The following PRICKLE2 variants were observed in gnomAD, a reference collection of about 807,000 sequenced individuals.
PRICKLE2 encodes the protein prickle planar cell polarity protein 2, also known as prickle-like protein 2.
Under a neutral mutation model 81.4 loss-of-function variants are expected in PRICKLE2, and 21 were observed. The observed-to-expected ratio is 0.26, with a 90% CI of 0.18 to 0.37. The LOEUF (loss-of-function observed/expected upper bound fraction) is 0.37, where lower values mean the gene tolerates loss of function less well. PRICKLE2 is among the 10% of genes least tolerant of loss of function. The probability of loss-of-function intolerance (pLI) is 1.00; values close to 1 mark genes in which losing one functional copy is unlikely to be tolerated. For missense variants in PRICKLE2, 940 were observed against 1,109.0 expected (o/e 0.85, Z 2.16); for synonymous variants, 456 against 421.5 (o/e 1.08, Z -1.00).
intron 2 of PRICKLE2, among the ~76,000 whole-genome samples, chr3:64,241,458 T>G (rs565193872): frequency 6.6e-6 from 1 of 152,238 alleles, no homozygotes; most frequent in Admixed American, 6.5e-5. Context: ...TACACATACA[T>G]GTATATATGT....
At chr3:64,136,778 G>T (rs2077286562) in intron 7 of PRICKLE2, among the ~76,000 whole-genome samples, 1 of 152,066 alleles carries the variant, frequency 6.6e-6, no homozygotes, top group African/African-American at 2.4e-5. Context: ...GAAGGTCAAG[G>T]TCAAGTCAAT....
chr3:64,186,214 T>C (rs1394907452), intron 2 of PRICKLE2, among the ~76,000 whole-genome samples: 1 of 152,216 alleles, frequency 6.6e-6, no homozygotes, highest in African/African-American at 2.4e-5. Context: ...TTTTTGACTA[T>C]GGAAAAGAAA....
intron 6 of PRICKLE2, among the ~76,000 whole-genome samples, chr3:64,151,638 A>G (rs2107023865): frequency 6.6e-6 from 1 of 152,244 alleles, no homozygotes; most frequent in Non-Finnish European, 1.5e-5. Flanking sequence ...TCATCTGAGC[A>G]AGTGTGCACT....
chr3:64,174,441 ACC>A (rs1396458874), intron 2 of PRICKLE2: 1 of 69,562 alleles, frequency 1.4e-5, no homozygotes, highest in Non-Finnish European at 4.2e-5. Context: ...GCTTCGGTTG[ACC>A]GACATGTGCA....
chr3:64,179,445 A>G (rs569140218), intron 2 of PRICKLE2, among the ~76,000 whole-genome samples: 96 of 152,256 alleles, frequency 6.3e-4, no homozygotes, highest in African/African-American at 2.3e-3. Flanking sequence ...ATGGCACTTC[A>G]CTATGCTTGG....
At chr3:64,117,266 AAGC>A (rs1490379384) in intron 7 of PRICKLE2, among the ~76,000 whole-genome samples, 1 of 152,220 alleles carries the variant, frequency 6.6e-6, no homozygotes, top group Non-Finnish European at 1.5e-5. Context: ...CAAAAGCTGG[AAGC>A]ATTCCCTTGA....
chr3:64,264,392 T>C (rs1331958984), intron 2 of PRICKLE2, among the ~76,000 whole-genome samples: 1 of 152,178 alleles, frequency 6.6e-6, no homozygotes, highest in Non-Finnish European at 1.5e-5. Flanking sequence ...CAGGTCATAC[T>C]ACAGACCTAT....
intron 2 of PRICKLE2, among the ~76,000 whole-genome samples, chr3:64,237,171 C>CA (rs1274125050): frequency 3.9e-5 from 6 of 152,122 alleles, no homozygotes; most frequent in African/African-American, 7.2e-5. Flanking sequence ...CCCCAGAGCT[C>CA]CAGAGGGCGT....
Position 64,159,955 on chromosome 3 carries a change from T to C in PRICKLE2, c.381A>G (p.Gly127=), listed in dbSNP as rs768775520. The C allele has an allele frequency of 3.7e-6, 6 of 1,614,154 alleles. No homozygotes were observed. In the East Asian group the frequency reaches 1.3e-4, roughly 36 times the overall value. ...NVRPFPVTMT[G]AICEQCGGQI... ...CCATGCTTACCTGTTCACAAATAGCTCCTGTCATGGTGACTGGGAAAGGCC... is the reference window on the plus strand; with the variant it reads ...CCATGCTTACCTGTTCACAAATAGCCCCTGTCATGGTGACTGGGAAAGGCC... The change falls in exon 4 of 8, where the codon GGA becomes GGG. Residue 127 remains glycine, a synonymous_variant. Coordinates refer to ENST00000638394, the MANE Select transcript of PRICKLE2 (RefSeq NM_198859.4).
intron 2 of PRICKLE2, among the ~76,000 whole-genome samples, chr3:64,237,291 CATCCAGCAGGA>C (rs1453414467): frequency 5.3e-5 from 8 of 152,114 alleles, no homozygotes; most frequent in African/African-American, 1.4e-4. Context: ...CCTTGTCTGG[CATCCAGCAGGA>C]ATCAGGTTGC....
At chr3:64,246,572 T>C (rs1359097567) in intron 2 of PRICKLE2, among the ~76,000 whole-genome samples, 1 of 152,228 alleles carries the variant, frequency 6.6e-6, no homozygotes, top group African/African-American at 2.4e-5. Flanking sequence ...CTGGAAGGCT[T>C]GTTAAATACA....
At chr3:64,199,247 A>C (rs1168548141) in intron 1 of PRICKLE2, 4 of 566,546 alleles carry the variant, frequency 7.1e-6, no homozygotes, top group African/African-American at 1.9e-5. Context: ...TCAATACCCC[A>C]AGAGGAATGG....
At chr3:64,185,961 T>C (rs575752713) in intron 2 of PRICKLE2, among the ~76,000 whole-genome samples, 82 of 152,298 alleles carry the variant, frequency 5.4e-4, no homozygotes, top group Non-Finnish European at 7.8e-4. Flanking sequence ...CAAGTAACCA[T>C]TGATCTGCTT....
chr3:64,213,289 G>A (rs147594560), intron 1 of PRICKLE2, among the ~76,000 whole-genome samples: 221 of 151,998 alleles, frequency 1.5e-3, no homozygotes, highest in Non-Finnish European at 2.6e-3. Flanking sequence ...ATGTTGGCCC[G>A]GCTGGTCTCG....
At position 64,218,093 on chromosome 3, in the gene PRICKLE2, G is replaced by A. The variant is rs189106201; in HGVS notation, c.-41+6817C>T. Among the ~76,000 whole-genome samples, 23 of 152,188 alleles carry A rather than the reference G, an allele frequency of 1.5e-4. 1 individual carries two copies. The South Asian group carries it at 2.5e-3, about 16-fold the overall frequency. On this transcript the variant is annotated intron_variant, in intron 1 of 7. Transcript: ENST00000638394. ...CTGTACAAATTTACAAAACCAAGAC[G>A]GATAATGAACTGGGATTTAATTTAA...
intron 1 of PRICKLE2, 115 bp from the exon 2 acceptor site, chr3:64,199,082 G>A (rs2078518620): frequency 7.6e-6 from 7 of 921,892 alleles, no homozygotes; most frequent in Middle Eastern, 3.0e-4. Flanking sequence ...CTTGGCAATG[G>A]GCATCGGGCA....
At chr3:64,161,001 C>G (rs2107041692) in intron 3 of PRICKLE2, among the ~76,000 whole-genome samples, 1 of 152,132 alleles carries the variant, frequency 6.6e-6, no homozygotes, top group Admixed American at 6.5e-5. Context: ...CCAGAAGAAA[C>G]CTAAATAGAC....
chr3:64,157,416 T>G, intron 4 of PRICKLE2, 51 bp from the exon 5 acceptor site: 1 of 1,563,558 alleles, frequency 6.4e-7, no homozygotes, highest in East Asian at 2.3e-5. Context: ...CATCTCCCAG[T>G]GCTGTGCATA....
At chr3:64,242,014 T>C (rs183528622) in intron 2 of PRICKLE2, among the ~76,000 whole-genome samples, 1 of 152,264 alleles carries the variant, frequency 6.6e-6, no homozygotes, top group Admixed American at 6.5e-5. Context: ...TCCCTCCATG[T>C]ATATTATTTC....
Sources: gnomAD v4.1 joint callset for allele counts (sites outside exome capture counted in the v4.1 genomes callset) on GRCh38, gnomAD v4.1.1 for gene constraint, MANE v1.5 for transcripts, NCBI Gene and HGNC (gene_info 2026-07-23, HGNC 2026-07-21) for gene names.